TMEM154: variants seen among roughly 807,000 people sequenced by gnomAD.
The protein encoded by TMEM154 is transmembrane protein 154.
TMEM154 carries 27 observed loss-of-function variants against 24.5 expected under a neutral mutation model. The observed-to-expected ratio is 1.10, with a 90% confidence interval of 0.81 to 1.52. TMEM154 has a LOEUF of 1.52. Among genes scored for constraint, TMEM154 ranks in the 40% most tolerant of loss-of-function variants. The pLI is 0.00. For synonymous variants in TMEM154, 67 were observed against 76.8 expected, an observed-to-expected ratio of 0.87 and a Z score of 0.67; for missense variants, 228 against 213.4, an observed-to-expected ratio of 1.07 and a Z score of -0.43.
intron 1 of TMEM154, among the ~76,000 whole-genome samples, chr4:152,663,704 G>A (rs1356754908): frequency 6.6e-6 from 1 of 152,248 alleles, no homozygotes; most frequent in Non-Finnish European, 1.5e-5. Context: ...ATTTTAAAGA[G>A]ATAATGGAAG....
Position 152,679,871 on chromosome 4 carries a change from C to G in TMEM154, c.63G>C (p.Arg21=). The G allele has an allele frequency of 6.2e-7, 1 of 1,608,008 alleles. No individual in the cohort carries two copies. The highest frequency in any genetic ancestry group is 8.5e-7 in the Non-Finnish European group (1 of 1,177,912). Residue 21 remains arginine (R), a splice_region_variant and synonymous_variant, in exon 1 of 7, where the codon CGG becomes CGC. Coordinates refer to ENST00000304385, the MANE Select transcript of TMEM154 (RefSeq NM_152680.3). ...ALVIALVPVG[R]GNYEELENSG... ...GAGTAGGAAGTGGAGGCGGCTTACCCCGGCCGACGGGAACGAGCGCGATCA... is the reference window on the plus strand; with the variant it reads ...GAGTAGGAAGTGGAGGCGGCTTACCGCGGCCGACGGGAACGAGCGCGATCA...
chr4:152,633,948 A>T (rs1752098644), intron 6 of TMEM154, among the ~76,000 whole-genome samples: 1 of 147,104 alleles, frequency 6.8e-6, no homozygotes, highest in African/African-American at 2.5e-5. Flanking sequence ...GGGTTGCCTG[A>T]GACTGAGAAG....
At chr4:152,630,708 G>T (rs555370031) in intron 6 of TMEM154, among the ~76,000 whole-genome samples, 1 of 152,230 alleles carries the variant, frequency 6.6e-6, no homozygotes, top group Admixed American at 6.5e-5. Flanking sequence ...TATAAAATTT[G>T]TCCATATTCA....
At chr4:152,669,267 AC>A (rs1728781586) in intron 1 of TMEM154, 1 of 152,176 alleles carries the variant, frequency 6.6e-6, no homozygotes, top group Non-Finnish European at 1.5e-5. Flanking sequence ...TTATTCTAAT[AC>A]GTAGCTGTAC....
chr4:152,661,337 TCTCTCC>T (rs1195655554), intron 1 of TMEM154, among the ~76,000 whole-genome samples: 2 of 118,802 alleles, frequency 1.7e-5, no homozygotes, highest in Non-Finnish European at 1.8e-5. Context: ...TCTCTCTCTC[TCTCTCC>T]CCCCAACTCT....
chr4:152,650,926 C>T (rs1728365594), intron 3 of TMEM154, among the ~76,000 whole-genome samples: 1 of 152,210 alleles, frequency 6.6e-6, no homozygotes, highest in Non-Finnish European at 1.5e-5. Context: ...TAGACCTTAA[C>T]AGTGGACTTA....
Position 152,644,348 on chromosome 4 carries a change from G to A in TMEM154, c.392+67C>T. ...TGTCAGAACAAAAACACCTGAAAAG[G>A]CAGCTGTCCACCTTAACAGTTGCTG... is the stretch of plus-strand genomic sequence containing the variant. On this transcript the variant is annotated intron_variant, in intron 4 of 6. Transcript: ENST00000304385. 3 of 1,560,826 alleles carry A rather than the reference G, an allele frequency of 1.9e-6. No homozygotes were observed. The Admixed American group carries it at 5.0e-5, about 26-fold the overall frequency.
In TMEM154 at chr4:152,640,964, G is replaced by A. The variant is rs564409103; in HGVS notation, c.500C>T (p.Thr167Ile). 6.2e-7 allele frequency: 1 copy of A among 1,609,954 alleles called. No individual in the cohort carries two copies. Among genetic ancestry groups the A allele is most frequent in the Non-Finnish European group, 8.5e-7 (1 of 1,178,486 alleles). The change falls in exon 6 of 7, where the codon ACC becomes ATC. Residue 167 changes from threonine to isoleucine, a missense_variant. Thr to Ile is a moderately conservative substitution (Grantham distance 89). Coordinates refer to ENST00000304385, the MANE Select transcript of TMEM154 (RefSeq NM_152680.3). ...ATTTGATTCCTTCTCTTCCTTCAAG[G>A]TAGGTAAACATTCAAAGTCGGCTAG... ...NRNADFECLP[T>I]LKEEKESNHN...
intron 6 of TMEM154, among the ~76,000 whole-genome samples, chr4:152,629,531 C>G: frequency 6.6e-6 from 1 of 152,232 alleles, no homozygotes; most frequent in Non-Finnish European, 1.5e-5. Flanking sequence ...ACAGCTCCAC[C>G]AAGTCTCCTG....
At chr4:152,647,165 A>G (rs1353274420) in intron 3 of TMEM154, 5 of 982,866 alleles carry the variant, frequency 5.1e-6, no homozygotes, top group Non-Finnish European at 6.0e-6. Context: ...CTAGTATAGT[A>G]TAACAGACCA....
At chr4:152,664,900 C>A (rs1299516634) in intron 1 of TMEM154, among the ~76,000 whole-genome samples, 1 of 151,952 alleles carries the variant, frequency 6.6e-6, no homozygotes, top group African/African-American at 2.4e-5. Context: ...GAAATCACAC[C>A]CAAAAGCCTG....
At chr4:152,632,384 T>C (rs1183946608) in intron 6 of TMEM154, among the ~76,000 whole-genome samples, 1 of 152,230 alleles carries the variant, frequency 6.6e-6, no homozygotes, top group East Asian at 1.9e-4. Flanking sequence ...ACTGTTTTAA[T>C]TGTTGATCAA....
At chr4:152,646,845 A>G in intron 3 of TMEM154, 1 of 660,128 alleles carries the variant, frequency 1.5e-6, no homozygotes, top group Non-Finnish European at 2.7e-6. Flanking sequence ...CAAGAGAAAG[A>G]GTCTCTTTCC....
chr4:152,662,304 G>A (rs909482159), intron 1 of TMEM154, among the ~76,000 whole-genome samples: 7 of 152,132 alleles, frequency 4.6e-5, no homozygotes, highest in Admixed American at 3.3e-4. Flanking sequence ...TCCACATAAT[G>A]AGAATTGACA....
chr4:152,657,779 T>C (rs987421099), intron 1 of TMEM154, among the ~76,000 whole-genome samples: 5 of 152,108 alleles, frequency 3.3e-5, no homozygotes, highest in African/African-American at 9.7e-5. Context: ...AGCAGAAATC[T>C]TACAGGCCAG....
At chr4:152,675,269 T>C (rs1419504370) in intron 1 of TMEM154, among the ~76,000 whole-genome samples, 1 of 139,170 alleles carries the variant, frequency 7.2e-6, no homozygotes, top group East Asian at 2.1e-4. Context: ...ATGTTTAAAA[T>C]AATGACATAA....
intron 6 of TMEM154, 39 bp downstream of exon 6, chr4:152,640,889 C>CCCCCGA: frequency 7.6e-7 from 1 of 1,318,078 alleles, no homozygotes; most frequent in Non-Finnish European, 1.1e-6. Context: ...CCCCGCCCCC[C>CCCCCGA]GCCATATACA....
intron 1 of TMEM154, among the ~76,000 whole-genome samples, chr4:152,675,644 A>C (rs1192159331): frequency 6.6e-6 from 1 of 152,190 alleles, no homozygotes; most frequent in Non-Finnish European, 1.5e-5. Context: ...AAAAAAAAAA[A>C]ACAAATTTTC....
chr4:152,651,453 T>TTCAAGGA (rs1728381706), intron 3 of TMEM154, among the ~76,000 whole-genome samples: 1 of 152,252 alleles, frequency 6.6e-6, no homozygotes, highest in Non-Finnish European at 1.5e-5. Flanking sequence ...TCCTTGCTGC[T>TTCAAGGA]TCATCTTGCA....
Sources: allele counts gnomAD v4.1 joint callset (sites outside exome capture counted in the v4.1 genomes callset), GRCh38; gene constraint gnomAD v4.1.1; transcripts MANE v1.5; gene names NCBI Gene and HGNC (gene_info 2026-07-23, HGNC 2026-07-21).